Variants in CNTN6 observed in about 807,000 individuals in gnomAD.
The protein encoded by CNTN6 is contactin-6.
A neutral mutation model predicts 122.8 loss-of-function variants in CNTN6; 137 were observed. The observed-to-expected ratio is 1.12, with a 90% CI of 0.97 to 1.29. The LOEUF is 1.29. Ranked by LOEUF, CNTN6 falls within the 50% of genes most tolerant of loss-of-function variation. The pLI, the probability that CNTN6 is intolerant of heterozygous loss-of-function variation, is 0.00. For synonymous variants in CNTN6, 570 were observed against 426.0 expected, an observed-to-expected ratio of 1.34 and a Z score of -4.16; for missense variants, 1,634 against 1,223.4, an observed-to-expected ratio of 1.34 and a Z score of -5.01.
chr3:1,215,444 A>C (rs1044577006), intron 2 of CNTN6, among the ~76,000 whole-genome samples: 3 of 152,092 alleles, frequency 2.0e-5, no homozygotes, highest in Admixed American at 6.5e-5. Flanking sequence ...TGCCTATTCC[A>C]ATTGATTTAT....
At chr3:1,201,898 GA>G (rs139016803) in intron 2 of CNTN6, among the ~76,000 whole-genome samples, 16,205 of 150,982 alleles carry the variant, frequency 0.11, 943 homozygotes, top group Non-Finnish European at 0.13. Flanking sequence ...GGATAGTATA[GA>G]AAAAAAAATC....
chr3:1,251,783 A>T (rs1464546248), intron 4 of CNTN6, among the ~76,000 whole-genome samples: 1 of 152,134 alleles, frequency 6.6e-6, no homozygotes, highest in African/African-American at 2.4e-5. Flanking sequence ...TTTCTCCTAT[A>T]AAAGTCAACT....
chr3:1,158,324 A>T (rs1440659113), intron 2 of CNTN6, among the ~76,000 whole-genome samples: 1 of 151,994 alleles, frequency 6.6e-6, no homozygotes, highest in African/African-American at 2.4e-5. Flanking sequence ...TGCTATTTTT[A>T]TGTCTTCTTT....
chr3:1,265,007 C>G (rs1464741250), intron 4 of CNTN6, among the ~76,000 whole-genome samples: 1 of 147,566 alleles, frequency 6.8e-6, no homozygotes, highest in Non-Finnish European at 1.5e-5. Flanking sequence ...ATAATGTCCT[C>G]CAGGTTCATC....
chr3:1,214,221 A>G (rs2094092544), intron 2 of CNTN6, among the ~76,000 whole-genome samples: 1 of 151,346 alleles, frequency 6.6e-6, no homozygotes, highest in Non-Finnish European at 1.5e-5. Context: ...TTTAAGAATA[A>G]TCATCTGTTA....
At chr3:1,245,278 C>A (rs1189755378) in intron 4 of CNTN6, among the ~76,000 whole-genome samples, 373 of 5,794 alleles carry the variant, frequency 0.064, 69 homozygotes, top group Non-Finnish European at 0.088. Flanking sequence ...TATATATACA[C>A]ACACATATAT....
At chr3:1,245,223 T>TATACACACAC (rs1559595314) in intron 4 of CNTN6, among the ~76,000 whole-genome samples, 2 of 18,804 alleles carry the variant, frequency 1.1e-4, no homozygotes, top group Admixed American at 5.6e-4. Flanking sequence ...TATATATATA[T>TATACACACAC]ATATATATAT....
Position 1,339,006 on chromosome 3 carries a change from G to A in CNTN6, c.1364+9071G>A, listed in dbSNP as rs749830280. Among the ~76,000 whole-genome samples the A allele has an allele frequency of 2.6e-5, 4 of 151,836 alleles. 1 individual carries two copies. The highest frequency in any genetic ancestry group is 5.9e-5 in the Non-Finnish European group (4 of 67,976). On this transcript the variant is annotated intron_variant, in intron 11 of 22. Coordinates refer to ENST00000446702, the MANE Select transcript of CNTN6 (RefSeq NM_001289080.2). Reference sequence around the variant, plus strand: ...AGAAGAAATAAAAGCTGGAGTAATAGTATAGAAATCAGTCTCATTAAAACC... The same window carrying A: ...AGAAGAAATAAAAGCTGGAGTAATAATATAGAAATCAGTCTCATTAAAACC...
At chr3:1,197,667 G>T (rs896731379) in intron 2 of CNTN6, among the ~76,000 whole-genome samples, 2 of 152,164 alleles carry the variant, frequency 1.3e-5, no homozygotes, top group Admixed American at 1.3e-4. Flanking sequence ...GTGATAAGGG[G>T]TGAGGGCTCC....
rs892779114 is a variant in CNTN6 at position 1,099,247 on chromosome 3, C to G, written c.-83+6127C>G. On this transcript the variant is annotated intron_variant, in intron 1 of 22. Coordinates refer to ENST00000446702, the MANE Select transcript of CNTN6 (RefSeq NM_001289080.2). ...CGGGCGGATCACGAGGTCAGGAGAT[C>G]GAGACCATCCTGGCTAACACGGTGA... Among the ~76,000 whole-genome samples the G allele has an allele frequency of 1.3e-4, 19 of 151,892 alleles. 1 individual carries two copies. The highest frequency in any genetic ancestry group is 1.5e-4 in the Non-Finnish European group (10 of 67,976).
intron 4 of CNTN6, among the ~76,000 whole-genome samples, chr3:1,255,754 C>T (rs2094747235): frequency 6.6e-6 from 1 of 152,140 alleles, no homozygotes; most frequent in Admixed American, 6.6e-5. Context: ...CCTACTGCAG[C>T]TTCAAACTCC....
intron 1 of CNTN6, among the ~76,000 whole-genome samples, chr3:1,123,933 G>A (rs2092058948): frequency 6.6e-6 from 1 of 151,916 alleles, no homozygotes; most frequent in African/African-American, 2.4e-5. Context: ...TGCATTAATT[G>A]ATATGATCAT....
Position 1,322,629 on chromosome 3 carries a change from T to C in CNTN6, c.946+795T>C, listed in dbSNP as rs73093264. 4.5e-3 allele frequency among the ~76,000 whole-genome samples: 677 copies of C among 151,214 alleles called. 4 individuals are homozygous for C. The highest frequency in any genetic ancestry group is 0.016 in the African/African-American group (649 of 41,014). ...AATGATAAAGTAATTAGAGAAAATA[T>C]GTGTGTATGTGTGTGTGTATGTGTG... On this transcript the variant is annotated intron_variant, in intron 8 of 22. Transcript: ENST00000446702.
At chr3:1,300,557 AAAAGAAAGAAAGAAAGAAAG>A (rs202226482) in intron 7 of CNTN6, among the ~76,000 whole-genome samples, 1,689 of 107,254 alleles carry the variant, frequency 0.016, 42 homozygotes, top group African/African-American at 0.04. Flanking sequence ...AAGAGAAAGA[AAAAGAAAGAAAGAAAGAAAG>A]AAAGAAAGAA....
rs1333803902 is a variant in CNTN6, at chr3:1,270,684, T to C, written c.359-7729T>C. On this transcript the variant is annotated intron_variant, in intron 4 of 22. Coordinates refer to ENST00000446702, the MANE Select transcript of CNTN6 (RefSeq NM_001289080.2). Reference sequence around the variant, plus strand: ...CTCAAAGGGGGGAAATAGTATTTGGTTGACGGAAACCAGAAAGCAGGGTAA... The same window carrying C: ...CTCAAAGGGGGGAAATAGTATTTGGCTGACGGAAACCAGAAAGCAGGGTAA... Among the ~76,000 whole-genome samples, 2 of 152,236 alleles carry C rather than the reference T, an allele frequency of 1.3e-5. 1 individual carries two copies.
Position 1,342,844 on chromosome 3 carries a change from G to T in CNTN6, c.1365-9480G>T, listed in dbSNP as rs950656631. ...TTTATACACCAAGTCTTATCCTAGT[G>T]ATTTGAATGTAGAGTTGACCGTTGG... On this transcript the variant is annotated intron_variant, in intron 11 of 22. Transcript: ENST00000446702. Among the ~76,000 whole-genome samples, 7 of 152,240 alleles carry T rather than the reference G, an allele frequency of 4.6e-5. No individual in the cohort carries two copies. In the South Asian group the frequency reaches 1.0e-3, roughly 23 times the overall value.
At chr3:1,288,639 A>G (rs558488939) in intron 5 of CNTN6, among the ~76,000 whole-genome samples, 3 of 152,304 alleles carry the variant, frequency 2.0e-5, no homozygotes, top group South Asian at 4.1e-4. Context: ...CAATTTTGAG[A>G]TCTGTTCTAA....
At chr3:1,299,793 A>G (rs891659733) in intron 7 of CNTN6, among the ~76,000 whole-genome samples, 2 of 152,158 alleles carry the variant, frequency 1.3e-5, no homozygotes, top group African/African-American at 4.8e-5. Flanking sequence ...GAGTTATTTG[A>G]TTGTTAGCAA....
At chr3:1,215,385 A>G (rs1337627643) in intron 2 of CNTN6, among the ~76,000 whole-genome samples, 1 of 152,192 alleles carries the variant, frequency 6.6e-6, no homozygotes, top group Non-Finnish European at 1.5e-5. Context: ...AATCATCTCA[A>G]AACATTATAG....
Sources: allele counts gnomAD v4.1 joint callset (sites outside exome capture counted in the v4.1 genomes callset), GRCh38; gene constraint gnomAD v4.1.1; transcripts MANE v1.5; gene names NCBI Gene and HGNC (gene_info 2026-07-23, HGNC 2026-07-21).